Variants in CATSPER4 observed in about 807,000 individuals in gnomAD.
The protein encoded by CATSPER4 is cation channel sperm-associated protein 4.
CATSPER4 carries 46 observed loss-of-function variants against 54.4 expected under a neutral mutation model. The observed-to-expected ratio is 0.84, with a 90% confidence interval of 0.67 to 1.08. The LOEUF (loss-of-function observed/expected upper bound fraction) is 1.08, where lower values mean the gene tolerates loss of function less well. Ranked by LOEUF, CATSPER4 falls within the 50% of genes least tolerant of loss-of-function variation. The probability of loss-of-function intolerance (pLI) is 0.00; values close to 1 mark genes in which losing one functional copy is unlikely to be tolerated. For synonymous variants in CATSPER4, 230 were observed against 231.9 expected, an observed-to-expected ratio of 0.99 and a Z score of 0.08; for missense variants, 574 against 612.8, an observed-to-expected ratio of 0.94 and a Z score of 0.67.
Position 26,191,164 on chromosome 1 carries a change from A to G in CATSPER4, c.214-123A>G. The stretch of plus-strand genomic sequence containing the variant: ...CACTGATGTCTCCATTCCATGATCC[A>G]CTCTCAGATGATTTCCCCCCTCTAG... On this transcript the variant is annotated intron_variant, in intron 1 of 9. Coordinates refer to ENST00000456354, the MANE Select transcript of CATSPER4 (RefSeq NM_198137.2). 4 of 1,122,560 alleles carry G rather than the reference A, an allele frequency of 3.6e-6. No individual in the cohort carries two copies. In the African/African-American group the frequency reaches 4.6e-5, roughly 13 times the overall value. The allele number at this position is 1,122,560 out of a possible 1,614,324, so 69.5% of individuals were successfully genotyped here. A position where few individuals can be genotyped will look rare whatever the true frequency, so the allele number is the denominator to read the frequency against.
chr1:26,195,490 T>C (rs1292583178), intron 3 of CATSPER4, among the ~76,000 whole-genome samples: 6 of 57,468 alleles, frequency 1.0e-4, no homozygotes, highest in South Asian at 6.5e-4. Context: ...CCAGGCTCTT[T>C]TTTCTTTTTC....
chr1:26,196,427 T>G (rs2088939780), intron 3 of CATSPER4, among the ~76,000 whole-genome samples: 1 of 75,980 alleles, frequency 1.3e-5, no homozygotes, highest in Non-Finnish European at 3.0e-5. Context: ...TTTTTTTTTT[T>G]TGAGACAGGG....
intron 4 of CATSPER4, 29 bp from the exon 5 acceptor site, chr1:26,197,927 TA>T: frequency 6.2e-7 from 1 of 1,612,048 alleles, no homozygotes; most frequent in Non-Finnish European, 8.5e-7. Context: ...GGGAAGGGCC[TA>T]GGGGCACCCC....
Position 26,190,744 on chromosome 1 carries a change from G to A in CATSPER4, c.117G>A (p.Arg39=). The change falls in exon 1 of 10, where the codon AGG becomes AGA. Residue 39 remains arginine (R), a synonymous_variant. Coordinates refer to ENST00000456354, the MANE Select transcript of CATSPER4 (RefSeq NM_198137.2). ...TTGGAGGGGCAGTAGCTGCACTGAGGGGCCGCCCCTCTCCCCTGCAGAGTA... is the reference window on the plus strand; with the variant it reads ...TTGGAGGGGCAGTAGCTGCACTGAGAGGCCGCCCCTCTCCCCTGCAGAGTA... The part of the protein sequence containing the change: ...MGFGGAVAAL[R]GRPSPLQSTI... The A allele has an allele frequency of 6.2e-7, 1 of 1,613,482 alleles. No homozygotes were observed.
Position 26,193,792 on chromosome 1 carries a change from C to T in CATSPER4, c.363C>T (p.His121=). The T allele has an allele frequency of 1.2e-6, 2 of 1,609,290 alleles. No homozygotes were observed. Among genetic ancestry groups the T allele is most frequent in the Non-Finnish European group, 1.7e-6 (2 of 1,175,572 alleles). The change falls in exon 3 of 10, where the codon CAC becomes CAT. Residue 121 remains histidine (H), a synonymous_variant. Transcript: ENST00000456354. ...TTTCTCTGTCTCCCATGTAGAAACA[C>T]TATGAGTTGTTCTCTACCATAGATG... ...LRTNSYLDQK[H]YELFSTIDDI... is the part of the protein sequence containing the mutation.
intron 6 of CATSPER4, among the ~76,000 whole-genome samples, chr1:26,199,229 A>C (rs897653801): frequency 6.6e-6 from 1 of 152,036 alleles, no homozygotes; most frequent in Non-Finnish European, 1.5e-5. Flanking sequence ...CAAGGTCAGG[A>C]GTTCAAGACC....
intron 6 of CATSPER4, 67 bp downstream of exon 6, chr1:26,198,486 C>A: frequency 6.3e-7 from 1 of 1,598,292 alleles, no homozygotes; most frequent in Non-Finnish European, 8.6e-7. Flanking sequence ...GAGCTCCAGG[C>A]TGAGAGTGGG....
At chr1:26,191,695 G>A (rs966958590) in intron 2 of CATSPER4, among the ~76,000 whole-genome samples, 1 of 152,206 alleles carries the variant, frequency 6.6e-6, no homozygotes, top group African/African-American at 2.4e-5. Flanking sequence ...GCAAATGGGT[G>A]CCTTGTGGAG....
intron 3 of CATSPER4, among the ~76,000 whole-genome samples, chr1:26,194,431 C>T (rs930892268): frequency 2.0e-5 from 3 of 152,254 alleles, no homozygotes; most frequent in Non-Finnish European, 4.4e-5. Flanking sequence ...CTTACAAACT[C>T]ATTCAGATGT....
At chr1:26,191,940 G>A (rs150132771) in intron 2 of CATSPER4, among the ~76,000 whole-genome samples, 79 of 152,190 alleles carry the variant, frequency 5.2e-4, no homozygotes, top group African/African-American at 1.8e-3. Flanking sequence ...AAGTGACACT[G>A]GAGCTGAGAG....
At chr1:26,199,821 TGACAAGGAAACTCA>T (rs1487607972) in intron 6 of CATSPER4, 49 bp from the exon 7 acceptor site, 2 of 1,582,228 alleles carry the variant, frequency 1.3e-6, no homozygotes, top group Non-Finnish European at 1.7e-6. Flanking sequence ...CCCATTTCAA[TGACAAGGAAACTCA>T]GGCTTGAAGG....
intron 3 of CATSPER4, among the ~76,000 whole-genome samples, chr1:26,196,155 T>TTC (rs1437008294): frequency 6.7e-6 from 1 of 149,152 alleles, no homozygotes; most frequent in Non-Finnish European, 1.5e-5. Flanking sequence ...TTTTTTTTTT[T>TTC]TTTTTTCTTT....
At chr1:26,194,804 T>C (rs927087708) in intron 3 of CATSPER4, among the ~76,000 whole-genome samples, 1 of 152,162 alleles carries the variant, frequency 6.6e-6, no homozygotes, top group Non-Finnish European at 1.5e-5. Context: ...TATAGTTTTC[T>C]TGCTGGCTGC....
chr1:26,195,106 A>G (rs1227309895), intron 3 of CATSPER4, among the ~76,000 whole-genome samples: 1 of 152,208 alleles, frequency 6.6e-6, no homozygotes, highest in African/African-American at 2.4e-5. Context: ...TTCTTTTTGA[A>G]TATTTAATGC....
At chr1:26,195,651 G>A (rs542772139) in intron 3 of CATSPER4, among the ~76,000 whole-genome samples, 114 of 152,116 alleles carry the variant, frequency 7.5e-4, no homozygotes, top group African/African-American at 2.6e-3. Flanking sequence ...ACAGGCGCCC[G>A]CCACCACGCC....
chr1:26,193,041 G>T (rs1178826741), intron 2 of CATSPER4, among the ~76,000 whole-genome samples: 1 of 151,766 alleles, frequency 6.6e-6, no homozygotes, highest in African/African-American at 2.4e-5. Context: ...GGCGGAGTTT[G>T]CAGTGAGCTG....
intron 3 of CATSPER4, among the ~76,000 whole-genome samples, chr1:26,195,635 G>A (rs2088929126): frequency 6.6e-6 from 1 of 151,988 alleles, no homozygotes; most frequent in African/African-American, 2.4e-5. Context: ...CCGAGTAGCT[G>A]GGACTACAGG....
intron 9 of CATSPER4, 136 bp downstream of exon 9, chr1:26,201,655 C>CTT: frequency 4.1e-6 from 3 of 727,422 alleles, no homozygotes; most frequent in Non-Finnish European, 7.1e-6. Flanking sequence ...ACCACCCCTC[C>CTT]TTTTTTTTCT....
chr1:26,200,836 G>A lies in CATSPER4; in HGVS notation c.994G>A (p.Ala332Thr), dbSNP rs150836821. ...QQRITFSETG[A>T]EEEEENDQLP... is the part of the protein sequence containing the mutation. ...TCTATCCCCCGCTTCCCAGACAGGC[G>A]CAGAGGAAGAGGAGGAGAATGACCA... The change falls in exon 8 of 10, where the codon GCA becomes ACA. Residue 332 changes from alanine (A) to threonine (T), a missense_variant. By Grantham distance (58) the Ala-to-Thr change is moderately conservative (BLOSUM62 0). Coordinates refer to ENST00000456354, the MANE Select transcript of CATSPER4 (RefSeq NM_198137.2). 9.1e-5 allele frequency: 147 copies of A among 1,613,606 alleles called. No individual in the cohort carries two copies. Among genetic ancestry groups the A allele is most frequent in the Middle Eastern group, 3.3e-4 (2 of 6,070 alleles).
Sources: gnomAD v4.1 joint callset for allele counts (sites outside exome capture counted in the v4.1 genomes callset) on GRCh38, gnomAD v4.1.1 for gene constraint, MANE v1.5 for transcripts, NCBI Gene and HGNC (gene_info 2026-07-23, HGNC 2026-07-21) for gene names.